The following CDKAL1 variants were observed in gnomAD, a reference collection of about 807,000 sequenced individuals.
CDKAL1 encodes threonylcarbamoyladenosine tRNA methylthiotransferase.
In CDKAL1, 32 loss-of-function variants were observed where a neutral mutation model predicts 68.2. The observed-to-expected ratio is 0.47, with a 90% CI of 0.35 to 0.63. The LOEUF (loss-of-function observed/expected upper bound fraction) is 0.63, where lower values mean the gene tolerates loss of function less well. Ranked by LOEUF, CDKAL1 falls within the 30% of genes least tolerant of loss-of-function variation. The pLI is 0.00. For synonymous variants in CDKAL1, 234 were observed against 244.3 expected (o/e 0.96, Z 0.39); for missense variants, 606 against 696.7 (o/e 0.87, Z 1.47).
intron 10 of CDKAL1, among the ~76,000 whole-genome samples, chr6:20,987,832 T>C (rs539043676): frequency 9.2e-5 from 14 of 152,044 alleles, no homozygotes; most frequent in African/African-American, 3.4e-4. Context: ...CAGGTTGGAG[T>C]GTAGTGGCAC....
rs181067731 is a variant in CDKAL1, at chr6:20,934,340, C to T, written c.743-21079C>T. Among the ~76,000 whole-genome samples the T allele has an allele frequency of 3.9e-5, 6 of 152,298 alleles. No homozygotes were observed. In the East Asian group the frequency reaches 9.6e-4, roughly 24 times the overall value. ...TAGACAGTGCTACAGATGTCTTATTCATCTTTGTGCTTTTAGCATGGTGCC... is the reference window on the plus strand; with the variant it reads ...TAGACAGTGCTACAGATGTCTTATTTATCTTTGTGCTTTTAGCATGGTGCC... On this transcript the variant is annotated intron_variant, in intron 9 of 15. Transcript: ENST00000274695.
intron 10 of CDKAL1, among the ~76,000 whole-genome samples, chr6:20,987,854 A>G (rs543134543): frequency 4.0e-4 from 60 of 151,364 alleles, no homozygotes; most frequent in African/African-American, 1.4e-3. Flanking sequence ...ATCACGACTC[A>G]CTGCAGCCTT....
At chr6:20,632,421 A>C (rs930644136) in intron 4 of CDKAL1, among the ~76,000 whole-genome samples, 2 of 152,238 alleles carry the variant, frequency 1.3e-5, no homozygotes, top group Admixed American at 1.3e-4. Flanking sequence ...TGTAAGGTTG[A>C]AAAATTATAA....
intron 12 of CDKAL1, 62 bp from the exon 13 acceptor site, chr6:21,108,339 T>A: frequency 8.8e-7 from 1 of 1,132,828 alleles, no homozygotes; most frequent in Non-Finnish European, 1.3e-6. Context: ...GTATATTTTT[T>A]ATCTGCTGTC....
intron 10 of CDKAL1, among the ~76,000 whole-genome samples, chr6:20,984,566 G>A (rs1285482144): frequency 1.3e-5 from 2 of 152,176 alleles, no homozygotes; most frequent in African/African-American, 4.8e-5. Flanking sequence ...GAGGAATGAG[G>A]TTGCATGATC....
chr6:21,169,817 C>G (rs773668353), intron 13 of CDKAL1, among the ~76,000 whole-genome samples: 1 of 152,130 alleles, frequency 6.6e-6, no homozygotes. Flanking sequence ...AAAGTCACAT[C>G]TTGCATGGTA....
chr6:20,984,811 C>T (rs941823366), intron 10 of CDKAL1, among the ~76,000 whole-genome samples: 4 of 92,286 alleles, frequency 4.3e-5, no homozygotes, highest in Admixed American at 1.1e-4. Context: ...GGCACAGTAA[C>T]GGGGGGGGGT....
intron 9 of CDKAL1, among the ~76,000 whole-genome samples, chr6:20,846,443 C>T (rs1778379802): frequency 6.6e-6 from 1 of 152,152 alleles, no homozygotes; most frequent in Non-Finnish European, 1.5e-5. Flanking sequence ...CTCTAGACTC[C>T]ATGGAAAAGA....
intron 7 of CDKAL1, among the ~76,000 whole-genome samples, chr6:20,777,187 G>A (rs903227364): frequency 6.6e-6 from 1 of 152,200 alleles, no homozygotes; most frequent in East Asian, 1.9e-4. Flanking sequence ...AATGGGCTTT[G>A]TAAGAAATAC....
At position 21,169,016 on chromosome 6, in the gene CDKAL1, G is replaced by C. The variant is rs1001530162; in HGVS notation, c.1300-29005G>C. Among the ~76,000 whole-genome samples, 7 of 152,186 alleles carry C rather than the reference G, an allele frequency of 4.6e-5. No individual in the cohort carries two copies. In the South Asian group the frequency reaches 1.5e-3, roughly 32 times the overall value. ...CAAAGTTCCAGATTAGTCAAGACTT[G>C]TGAGAAATTCATGTGAGGGGCAAAG... On this transcript the variant is annotated intron_variant, in intron 13 of 15. Coordinates refer to ENST00000274695, the MANE Select transcript of CDKAL1 (RefSeq NM_017774.3).
Position 20,649,064 on chromosome 6 carries a change from T to C in CDKAL1, c.287-229T>C, listed in dbSNP as rs561002894. On this transcript the variant is annotated intron_variant, in intron 4 of 15. Transcript: ENST00000274695. ...AAGCATTGAAAGTAAAGGAAGAGAA[T>C]GCTTATCATTACATTTTAAGTGAAA... Among the ~76,000 whole-genome samples, 4 of 152,344 alleles carry C rather than the reference T, an allele frequency of 2.6e-5. No individual in the cohort carries two copies. The East Asian group carries it at 5.8e-4, about 22-fold the overall frequency.
intron 4 of CDKAL1, among the ~76,000 whole-genome samples, chr6:20,613,449 A>G (rs919868462): frequency 6.7e-6 from 1 of 149,782 alleles, no homozygotes; most frequent in African/African-American, 2.4e-5. Context: ...TGATTTTTGT[A>G]TTTTTAGTAG....
chr6:20,562,016 A>G (rs1427474681), intron 4 of CDKAL1, among the ~76,000 whole-genome samples: 1 of 152,214 alleles, frequency 6.6e-6, no homozygotes, highest in Non-Finnish European at 1.5e-5. Context: ...TTCTTATTCA[A>G]TTGGAAGCAG....
chr6:21,132,168 A>G (rs1467285104), intron 13 of CDKAL1, among the ~76,000 whole-genome samples: 1 of 152,182 alleles, frequency 6.6e-6, no homozygotes, highest in East Asian at 1.9e-4. Context: ...AAATAATCTT[A>G]GAGACAGAAA....
intron 2 of CDKAL1, among the ~76,000 whole-genome samples, chr6:20,537,097 T>TG (rs1235041696): frequency 6.6e-6 from 1 of 152,146 alleles, no homozygotes; most frequent in Non-Finnish European, 1.5e-5. Context: ...TGGAGTGCAG[T>TG]GGCGTGATCT....
chr6:20,895,520 T>C (rs897671043), intron 9 of CDKAL1, among the ~76,000 whole-genome samples: 1 of 152,198 alleles, frequency 6.6e-6, no homozygotes, highest in African/African-American at 2.4e-5. Flanking sequence ...ATCTAAAGTG[T>C]CTATCAGAAG....
intron 7 of CDKAL1, among the ~76,000 whole-genome samples, chr6:20,759,887 A>G (rs1774390127): frequency 6.6e-6 from 1 of 152,188 alleles, no homozygotes. Flanking sequence ...AGTCTCACTT[A>G]AGTACTGTTT....
rs563381112 is a variant in CDKAL1 at position 20,888,984 on chromosome 6, C to G, written c.742+42806C>G. Reference sequence around the variant, plus strand: ...ATGGTTGAACTAGTTTACAGTCCCACCAACAGTGTCAAAGTGTTCCTATTT... The same window carrying G: ...ATGGTTGAACTAGTTTACAGTCCCAGCAACAGTGTCAAAGTGTTCCTATTT... On this transcript the variant is annotated intron_variant, in intron 9 of 15. Coordinates refer to ENST00000274695, the MANE Select transcript of CDKAL1 (RefSeq NM_017774.3). 1.8e-4 allele frequency among the ~76,000 whole-genome samples: 28 copies of G among 152,294 alleles called. No homozygotes were observed. The East Asian group carries it at 4.8e-3, about 26-fold the overall frequency.
At chr6:20,754,329 T>A (rs941528394) in intron 6 of CDKAL1, among the ~76,000 whole-genome samples, 1 of 152,120 alleles carries the variant, frequency 6.6e-6, no homozygotes, top group African/African-American at 2.4e-5. Flanking sequence ...TGAAGTAGTA[T>A]CTCATTGTGT....
Sources: allele counts gnomAD v4.1 joint callset (sites outside exome capture counted in the v4.1 genomes callset), GRCh38; gene constraint gnomAD v4.1.1; transcripts MANE v1.5; gene names NCBI Gene and HGNC (gene_info 2026-07-23, HGNC 2026-07-21).